HIP1: variants seen among roughly 807,000 people sequenced by gnomAD.
HIP1 encodes huntingtin interacting protein 1.
Under a neutral mutation model 147.6 loss-of-function variants are expected in HIP1, and 65 were observed. The observed-to-expected ratio is 0.44, with a 90% CI of 0.36 to 0.54. HIP1 has a LOEUF of 0.54. Ranked by LOEUF, HIP1 falls within the 20% of genes least tolerant of loss-of-function variation. The probability of loss-of-function intolerance (pLI) is 0.00; values close to 1 mark genes in which losing one functional copy is unlikely to be tolerated. For missense variants in HIP1, 1,061 were observed against 1,299.6 expected (o/e 0.82, Z 2.82); for synonymous variants, 479 against 504.0 (o/e 0.95, Z 0.67).
chr7:75,533,927 G>A lies in HIP1; in HGVS notation c.*4245C>T, dbSNP rs1404104875. 2 of 233,108 alleles carry A rather than the reference G, an allele frequency of 8.6e-6. No individual in the cohort carries two copies. The highest frequency in any genetic ancestry group is 1.7e-5 in the Non-Finnish European group (2 of 118,046). The allele number at this position is 233,108 out of a possible 1,614,324, so 14.4% of individuals were successfully genotyped here. ...TGGAGGACAAGGATGGCAGAGAGAG[G>A]GCAAAGCCAGTTTGCTTGGAAAGCC... is the stretch of plus-strand genomic sequence containing the variant. On this transcript the variant is annotated 3_prime_UTR_variant, in exon 31 of 31. Transcript: ENST00000336926.
At chr7:75,705,803 A>G (rs1429530115) in intron 1 of HIP1, among the ~76,000 whole-genome samples, 1 of 152,214 alleles carries the variant, frequency 6.6e-6, no homozygotes, top group South Asian at 2.1e-4. Flanking sequence ...GTCTACAAAC[A>G]TCTCTTCATG....
In HIP1 at chr7:75,568,095, C is replaced by T. The variant is rs1795476296; in HGVS notation, c.803+104G>A. ...CCTCCCAAAGAGTTGGGGTTACAGGCATGAACCACTGTGTCCAGCCACCTC... is the reference window on the plus strand; with the variant it reads ...CCTCCCAAAGAGTTGGGGTTACAGGTATGAACCACTGTGTCCAGCCACCTC... On this transcript the variant is annotated intron_variant, in intron 9 of 30. Coordinates refer to ENST00000336926, the MANE Select transcript of HIP1 (RefSeq NM_005338.7). The surrounding 1 kb of genome is among the most constrained non-coding windows in gnomAD (Gnocchi z 4.1). 3.6e-6 allele frequency: 3 copies of T among 841,434 alleles called. No homozygotes were observed. The highest frequency in any genetic ancestry group is 4.1e-6 in the Non-Finnish European group (2 of 488,218). The allele number at this position is 841,434 out of a possible 1,614,324, so 52.1% of individuals were successfully genotyped here. A position where few individuals can be genotyped will look rare whatever the true frequency, so the allele number is the denominator to read the frequency against.
intron 1 of HIP1, among the ~76,000 whole-genome samples, chr7:75,677,749 C>A (rs1799945336): frequency 1.3e-5 from 2 of 152,062 alleles, no homozygotes; most frequent in Non-Finnish European, 2.9e-5. Context: ...AGTGCTCCAG[C>A]AGCTCTGGCA....
intron 1 of HIP1, among the ~76,000 whole-genome samples, chr7:75,599,928 C>T (rs1020151697): frequency 5.1e-4 from 76 of 149,790 alleles, no homozygotes; most frequent in African/African-American, 1.6e-3. Flanking sequence ...CTCTGCCTCC[C>T]GGGTTCAAGC....
chr7:75,676,236 A>C (rs1429588206), intron 1 of HIP1, among the ~76,000 whole-genome samples: 2 of 152,174 alleles, frequency 1.3e-5, no homozygotes, highest in Non-Finnish European at 2.9e-5. Context: ...TAATGATTAG[A>C]CAGATTTCCT....
chr7:75,690,755 G>A (rs573308470), intron 1 of HIP1, among the ~76,000 whole-genome samples: 6 of 152,124 alleles, frequency 3.9e-5, no homozygotes, highest in South Asian at 4.2e-4. Context: ...CCAGCTACTC[G>A]GAAGGCTGAG....
At chr7:75,605,990 C>T (rs1216086215) in intron 1 of HIP1, among the ~76,000 whole-genome samples, 1 of 152,118 alleles carries the variant, frequency 6.6e-6, no homozygotes, top group African/African-American at 2.4e-5. Context: ...GCTGGGACCA[C>T]AGGCACATAC....
At chr7:75,709,381 G>A (rs1801099635) in intron 1 of HIP1, among the ~76,000 whole-genome samples, 1 of 152,010 alleles carries the variant, frequency 6.6e-6, no homozygotes, top group African/African-American at 2.4e-5. Context: ...CCAAAGTGCT[G>A]GGATTACAGG....
intron 1 of HIP1, among the ~76,000 whole-genome samples, chr7:75,694,111 G>T (rs1800550550): frequency 6.6e-6 from 1 of 151,928 alleles, no homozygotes; most frequent in Admixed American, 6.6e-5. Context: ...GTAGAGACGG[G>T]ATTTCACCAT....
chr7:75,670,927 A>G lies in HIP1; in HGVS notation c.120+67874T>C, dbSNP rs191901073. Among the ~76,000 whole-genome samples the G allele has an allele frequency of 2.7e-3, 407 of 151,306 alleles. 2 individuals carry two copies. The highest frequency in any genetic ancestry group is 9.3e-3 in the African/African-American group (385 of 41,248). On this transcript the variant is annotated intron_variant, in intron 1 of 30. Coordinates refer to ENST00000336926, the MANE Select transcript of HIP1 (RefSeq NM_005338.7). ...GTGAGCCACCGCGCCCGGTCTCACC[A>G]GTCTACTTTCTATCTCTACGATTGT...
rs782252876 is a variant in HIP1, at chr7:75,533,954, A to G, written c.*4218T>C. Reference sequence around the variant, plus strand: ...CAAAGCCAGTTTGCTTGGAAAGCCAATGTTGGAACTGGAGGCTTTCCCTGG... The same window carrying G: ...CAAAGCCAGTTTGCTTGGAAAGCCAGTGTTGGAACTGGAGGCTTTCCCTGG... On this transcript the variant is annotated 3_prime_UTR_variant, in exon 31 of 31. Coordinates refer to ENST00000336926, the MANE Select transcript of HIP1 (RefSeq NM_005338.7). 6.6e-4 allele frequency: 153 copies of G among 232,436 alleles called. No homozygotes were observed. Among genetic ancestry groups the G allele is most frequent in the Non-Finnish European group, 1.1e-3 (124 of 117,660 alleles). 14.4% of individuals were successfully genotyped at this position (232,436 alleles called of 1,614,324 possible). A position where few individuals can be genotyped will look rare whatever the true frequency, so the allele number is the denominator to read the frequency against.
intron 1 of HIP1, among the ~76,000 whole-genome samples, chr7:75,614,692 C>T (rs1717388180): frequency 6.6e-6 from 1 of 151,976 alleles, no homozygotes; most frequent in Non-Finnish European, 1.5e-5. Context: ...TAATTATACA[C>T]TTGAATTTGT....
chr7:75,680,035 T>C (rs1800012249), intron 1 of HIP1, among the ~76,000 whole-genome samples: 1 of 152,258 alleles, frequency 6.6e-6, no homozygotes, highest in Non-Finnish European at 1.5e-5. Flanking sequence ...CTTTTATTGA[T>C]TGATTGATTC....
At chr7:75,668,046 T>A (rs1403950988) in intron 1 of HIP1, among the ~76,000 whole-genome samples, 5 of 152,202 alleles carry the variant, frequency 3.3e-5, no homozygotes, top group Non-Finnish European at 7.3e-5. Context: ...GGTGACACCA[T>A]CCCTGGATTT....
intron 1 of HIP1, among the ~76,000 whole-genome samples, chr7:75,711,642 A>G (rs1801168626): frequency 1.3e-5 from 2 of 152,312 alleles, no homozygotes; most frequent in Admixed American, 6.5e-5. Flanking sequence ...TGATTACCCA[A>G]TGAGCCCAAG....
chr7:75,559,861 G>C lies in HIP1; in HGVS notation c.1246C>G (p.Leu416Val), dbSNP rs200116944. ...KGHVSELEAD[L>V]AEQQHLRQQA... is the part of the protein sequence containing the mutation. The stretch of plus-strand genomic sequence containing the variant: ...TGCCGCAGGTGCTGCTGCTCGGCCA[G>C]ATCTGCTTCCAGCTCGCTGACGTGG... The change falls in exon 14 of 31, where the codon CTG becomes GTG. Residue 416 changes from leucine (L) to valine (V), a missense_variant. Transcript: ENST00000336926. 1 of 1,612,366 alleles carries C rather than the reference G, an allele frequency of 6.2e-7. No homozygotes were observed. The highest frequency in any genetic ancestry group is 1.1e-5 in the South Asian group (1 of 90,992).
intron 1 of HIP1, among the ~76,000 whole-genome samples, chr7:75,666,622 C>A (rs1388020760): frequency 6.6e-6 from 1 of 152,066 alleles, no homozygotes; most frequent in Non-Finnish European, 1.5e-5. Flanking sequence ...CATGGTGGAC[C>A]CAAGGTTAGA....
chr7:75,664,006 G>GTATA (rs1168822220), intron 1 of HIP1, among the ~76,000 whole-genome samples: 3 of 18,216 alleles, frequency 1.6e-4, no homozygotes, highest in Non-Finnish European at 2.6e-4. Context: ...ACATATATGT[G>GTATA]TATATATATA....
At chr7:75,655,396 T>A (rs1301917240) in intron 1 of HIP1, among the ~76,000 whole-genome samples, 2 of 151,454 alleles carry the variant, frequency 1.3e-5, no homozygotes, top group African/African-American at 2.4e-5. Context: ...CTGGCCAACA[T>A]GGTAAAATCC....
Sources: allele counts gnomAD v4.1 joint callset (sites outside exome capture counted in the v4.1 genomes callset), GRCh38; gene constraint gnomAD v4.1.1; non-coding constraint Gnocchi (gnomAD v3.1); transcripts MANE v1.5; gene names NCBI Gene and HGNC (gene_info 2026-07-23, HGNC 2026-07-21).